The following ZNG1B variants were observed in gnomAD, a reference collection of about 807,000 sequenced individuals.
ZNG1B encodes Zn regulated GTPase metalloprotein activator 1B, also known as zinc-regulated GTPase metalloprotein activator 1B.
the ZNG1B span, among the ~76,000 whole-genome samples, chr2:113,472,384 A>G: frequency 6.6e-6 from 1 of 151,768 alleles, no homozygotes; most frequent in Middle Eastern, 3.2e-3. Flanking sequence ...TCTGGATATT[A>G]GCCCTTTGTC....
the ZNG1B span, chr2:113,462,624 A>G: frequency 2.9e-6 from 3 of 1,020,420 alleles, no homozygotes; most frequent in South Asian, 4.4e-5. Context: ...TTAGGGAATC[A>G]CATATATTGT....
chr2:113,471,309 TA>T, the ZNG1B span, among the ~76,000 whole-genome samples: 1 of 152,216 alleles, frequency 6.6e-6, no homozygotes, highest in Non-Finnish European at 1.5e-5. Flanking sequence ...AAATGATAGT[TA>T]ACTTTAGAGG....
chr2:113,448,427 GC>G, the ZNG1B span, among the ~76,000 whole-genome samples: 4 of 150,126 alleles, frequency 2.7e-5, no homozygotes, highest in Admixed American at 6.7e-5. Flanking sequence ...ATTCTTAATG[GC>G]CCTAGAATTT....
the ZNG1B span, among the ~76,000 whole-genome samples, chr2:113,478,935 T>C: frequency 6.6e-6 from 1 of 151,572 alleles, no homozygotes; most frequent in Non-Finnish European, 1.5e-5. Context: ...ATACAGTTAT[T>C]CAAGAAGTTG....
At chr2:113,438,442 C>G in the ZNG1B span, among the ~76,000 whole-genome samples, 1 of 152,126 alleles carries the variant, frequency 6.6e-6, no homozygotes, top group Admixed American at 6.5e-5. Flanking sequence ...GTAAAATGCC[C>G]GACACGTGGG....
the ZNG1B span, among the ~76,000 whole-genome samples, chr2:113,456,224 A>T: frequency 6.6e-6 from 1 of 152,178 alleles, no homozygotes; most frequent in Non-Finnish European, 1.5e-5. Context: ...ATTTATGAAT[A>T]TAATTTAAGA....
chr2:113,471,697 T>G, the ZNG1B span, among the ~76,000 whole-genome samples: 2 of 147,296 alleles, frequency 1.4e-5, no homozygotes, highest in African/African-American at 5.0e-5. Context: ...GTGTTCTCAT[T>G]GTTCAATTCC....
chr2:113,488,604 A>G, the ZNG1B span, among the ~76,000 whole-genome samples: 2 of 80,744 alleles, frequency 2.5e-5, no homozygotes, highest in Middle Eastern at 0.011. Context: ...GTAAAGATAT[A>G]AAAAAAAAAA....
At chr2:113,457,586 C>T in the ZNG1B span, among the ~76,000 whole-genome samples, 2 of 150,230 alleles carry the variant, frequency 1.3e-5, no homozygotes, top group South Asian at 4.3e-4. Flanking sequence ...GTTAGGTCTA[C>T]AGTGGTGTTA....
chr2:113,478,677 G>T, the ZNG1B span, among the ~76,000 whole-genome samples: 1 of 148,938 alleles, frequency 6.7e-6, no homozygotes, highest in Non-Finnish European at 1.5e-5. Flanking sequence ...CTGTAGTATT[G>T]TTCACATTTT....
the ZNG1B span, among the ~76,000 whole-genome samples, chr2:113,443,224 T>A: frequency 1.3e-5 from 2 of 152,104 alleles, no homozygotes; most frequent in Non-Finnish European, 2.9e-5. Flanking sequence ...CGCCTTGGCC[T>A]CCCTGTAAGT....
At chr2:113,441,411 C>A in the ZNG1B span, 2 of 1,603,620 alleles carry the variant, frequency 1.2e-6, no homozygotes, top group Admixed American at 1.7e-5. Flanking sequence ...AAAAGAGTAG[C>A]GGTCATTTTA....
the ZNG1B span, among the ~76,000 whole-genome samples, chr2:113,478,677 G>A: frequency 1.3e-5 from 2 of 148,940 alleles, no homozygotes; most frequent in South Asian, 4.2e-4. Flanking sequence ...CTGTAGTATT[G>A]TTCACATTTT....
the ZNG1B span, chr2:113,455,661 T>A: frequency 7.8e-7 from 1 of 1,284,734 alleles, no homozygotes; most frequent in Non-Finnish European, 1.0e-6. Flanking sequence ...CTTAGAAGTT[T>A]AAATTCAGTG....
chr2:113,450,226 A>T, the ZNG1B span, among the ~76,000 whole-genome samples: 1 of 146,576 alleles, frequency 6.8e-6, no homozygotes, highest in Non-Finnish European at 1.5e-5. Flanking sequence ...ATTACCATGA[A>T]TACTTTTTTT....
chr2:113,474,500 C>G, the ZNG1B span, among the ~76,000 whole-genome samples: 1 of 149,804 alleles, frequency 6.7e-6, no homozygotes, highest in East Asian at 1.9e-4. Flanking sequence ...CAGTTCTGCT[C>G]TGATTTTAGT....
the ZNG1B span, among the ~76,000 whole-genome samples, chr2:113,490,586 G>C: frequency 2.6e-5 from 4 of 152,156 alleles, no homozygotes; most frequent in Non-Finnish European, 5.9e-5. Flanking sequence ...TAGACTGTTA[G>C]CAAGATCAGC....
the ZNG1B span, chr2:113,462,363 T>A: frequency 1.3e-6 from 2 of 1,557,214 alleles, no homozygotes; most frequent in Non-Finnish European, 1.8e-6. Flanking sequence ...TGCATGCGTG[T>A]ATATTATTTA....
At chr2:113,442,585 G>A in the ZNG1B span, among the ~76,000 whole-genome samples, 2 of 152,026 alleles carry the variant, frequency 1.3e-5, no homozygotes, top group African/African-American at 4.8e-5. Context: ...ATAACCTATT[G>A]CACACTGATT....
Sources: allele counts gnomAD v4.1 joint callset (sites outside exome capture counted in the v4.1 genomes callset), GRCh38; gene constraint gnomAD v4.1.1; transcripts MANE v1.5; gene names NCBI Gene and HGNC (gene_info 2026-07-23, HGNC 2026-07-21).